The following BRIX1 variants were observed in gnomAD, a reference collection of about 807,000 sequenced individuals.
BRIX1 encodes biogenesis of ribosomes BRX1, also known as ribosome biogenesis protein BRX1 homolog.
In BRIX1, 15 loss-of-function variants were observed where a neutral mutation model predicts 44.0. The ratio of observed to expected loss-of-function variants is 0.34; its 90% CI spans 0.23 to 0.53. The LOEUF is 0.53. Among genes scored for constraint, BRIX1 ranks in the 20% least tolerant of loss-of-function variants. The pLI is 0.95. For missense variants in BRIX1, 420 were observed against 432.8 expected (o/e 0.97, Z 0.26); for synonymous variants, 149 against 135.4 (o/e 1.10, Z -0.70).
Position 34,925,565 on chromosome 5 carries a change from A to T in BRIX1, c.*70A>T. On this transcript the variant is annotated 3_prime_UTR_variant, in exon 10 of 10. Coordinates refer to ENST00000336767, the MANE Select transcript of BRIX1 (RefSeq NM_018321.4). ...TTGTATTCAATGTGTAAATACTTTT[A>T]TTATCTAATACTATCTTACGTCTAA... 7.5e-7 allele frequency: 1 copy of T among 1,328,016 alleles called. No individual in the cohort carries two copies. The highest frequency in any genetic ancestry group is 1.0e-6 in the Non-Finnish European group (1 of 971,146). The allele number at this position is 1,328,016 out of a possible 1,614,324, so 82.3% of individuals were successfully genotyped here.
intron 1 of BRIX1, 48 bp downstream of exon 1, chr5:34,915,945 G>T (rs1167305493): frequency 2.0e-6 from 3 of 1,489,252 alleles, no homozygotes; most frequent in East Asian, 2.5e-5. Context: ...GGCTCTGTGC[G>T]CCTTTTCTTG....
Position 34,925,367 on chromosome 5 carries a change from G to A in BRIX1, c.934G>A (p.Glu312Lys). 2 of 1,614,016 alleles carry A rather than the reference G, an allele frequency of 1.2e-6. No homozygotes were observed. The highest frequency in any genetic ancestry group is 1.7e-6 in the Non-Finnish European group (2 of 1,180,010). The change falls in exon 10 of 10, where the codon GAG becomes AAG. Residue 312 changes from glutamate to lysine, a missense_variant. Glu to Lys is a moderately conservative substitution (Grantham distance 56, BLOSUM62 1). Coordinates refer to ENST00000336767, the MANE Select transcript of BRIX1 (RefSeq NM_018321.4). The stretch of plus-strand genomic sequence containing the variant: ...TGCAGATGTTTTTGTAACACCAGCT[G>A]AGGAGAAACCAATAGAAATACAGTG... Reference protein sequence around the residue: ...PTADVFVTPAEEKPIEIQWVK... With the variant: ...PTADVFVTPAKEKPIEIQWVK...
intron 2 of BRIX1, 187 bp downstream of exon 2, chr5:34,918,662 G>T: frequency 2.1e-6 from 1 of 479,654 alleles, no homozygotes; most frequent in South Asian, 3.9e-5. Context: ...ATTTCATTAG[G>T]TAGATTCTTT....
intron 9 of BRIX1, 112 bp downstream of exon 9, chr5:34,925,087 T>G: frequency 6.8e-7 from 1 of 1,469,758 alleles, no homozygotes. Flanking sequence ...TGGTTTTTGC[T>G]GCATAGAAAC....
At chr5:34,916,038 C>A in intron 1 of BRIX1, 141 bp downstream of exon 1, 1 of 962,732 alleles carries the variant, frequency 1.0e-6, no homozygotes, top group Non-Finnish European at 1.5e-6. Flanking sequence ...ATTCTCCCGG[C>A]CAGACTGGGC....
chr5:34,922,674 T>A, intron 5 of BRIX1, 21 bp from the exon 6 acceptor site: 1 of 1,609,550 alleles, frequency 6.2e-7, no homozygotes, highest in Non-Finnish European at 8.5e-7. Flanking sequence ...ACTATTTTTG[T>A]TTTTGTTGTA....
At chr5:34,925,063 T>G in intron 9 of BRIX1, 88 bp downstream of exon 9, 1 of 1,506,618 alleles carries the variant, frequency 6.6e-7, no homozygotes, top group Non-Finnish European at 8.9e-7. Context: ...TTTTATTACC[T>G]GTGAAACTGA....
At chr5:34,918,232 T>G (rs2111972616) in intron 1 of BRIX1, 132 bp from the exon 2 acceptor site, 2 of 521,520 alleles carry the variant, frequency 3.8e-6, no homozygotes, top group East Asian at 6.5e-5. Context: ...GATCACTTAC[T>G]TGAGCCCAGG....
intron 3 of BRIX1, chr5:34,920,604 A>G (rs1764217752): frequency 6.6e-6 from 1 of 152,218 alleles, no homozygotes; most frequent in African/African-American, 2.4e-5. Flanking sequence ...TATAATTTCA[A>G]GTAAAGACAG....
chr5:34,924,982 G>A lies in BRIX1; in HGVS notation c.792+7G>A, dbSNP rs776690119. On this transcript the variant is annotated splice_region_variant and intron_variant, in intron 9 of 9. Transcript: ENST00000336767. Reference sequence around the variant, plus strand: ...CTACCAGTCACCAAACATGGTAAGCGGTTGTGTCATTCAGTAGTCTTCAAT... The same window carrying A: ...CTACCAGTCACCAAACATGGTAAGCAGTTGTGTCATTCAGTAGTCTTCAAT... The A allele has an allele frequency of 8.7e-6, 14 of 1,611,832 alleles. No homozygotes were observed. Among genetic ancestry groups the A allele is most frequent in the Middle Eastern group, 1.6e-4 (1 of 6,074 alleles).
rs1401653740 is a variant in BRIX1, at chr5:34,925,848, G to C, written c.*353G>C. The C allele has an allele frequency of 2.3e-5, 4 of 173,162 alleles. No homozygotes were observed. The highest frequency in any genetic ancestry group is 4.9e-5 in the Non-Finnish European group (4 of 81,966). 10.7% of individuals were successfully genotyped at this position (173,162 alleles called of 1,614,324 possible). On this transcript the variant is annotated 3_prime_UTR_variant, in exon 10 of 10. Transcript: ENST00000336767. ...CACTTCAAGAGCATCGGTTGTGGAT[G>C]GTAAAGTAGGAGTAGACTGGTAGAA...
intron 1 of BRIX1, among the ~76,000 whole-genome samples, chr5:34,917,442 G>A (rs1393569831): frequency 2.0e-5 from 3 of 151,636 alleles, no homozygotes; most frequent in Non-Finnish European, 2.9e-5. Context: ...GACCAGCCTG[G>A]CCAAGATGGT....
At chr5:34,922,850 TTTA>T in intron 6 of BRIX1, 82 bp downstream of exon 6, 2 of 1,385,310 alleles carry the variant, frequency 1.4e-6, no homozygotes, top group South Asian at 2.4e-5. Flanking sequence ...TGTTATTCAA[TTTA>T]GTTTCACCCC....
chr5:34,918,464 A>C lies in BRIX1; in HGVS notation c.260A>C (p.His87Pro). Residue 87 changes from histidine to proline, a missense_variant, in exon 2 of 10, where the codon CAT (histidine) becomes CCT (proline). By Grantham distance (77) the His-to-Pro change is moderately conservative. Coordinates refer to ENST00000336767, the MANE Select transcript of BRIX1 (RefSeq NM_018321.4). ...LMQDLRMLMP[H>P]SKADTKMDRK... is the part of the protein sequence containing the mutation. ...CAGGACTTGAGAATGTTGATGCCTC[A>C]TTCTAAAGCAGGTGCCTTTATATCA... is the stretch of plus-strand genomic sequence containing the variant. 1 of 1,593,864 alleles carries C rather than the reference A, an allele frequency of 6.3e-7. No individual in the cohort carries two copies. The highest frequency in any genetic ancestry group is 2.2e-5 in the East Asian group (1 of 44,450).
intron 4 of BRIX1, 59 bp downstream of exon 4, chr5:34,922,346 C>T: frequency 8.7e-7 from 1 of 1,143,518 alleles, no homozygotes; most frequent in East Asian, 2.4e-5. Context: ...TTCTTTGTAC[C>T]TTTTATGTTA....
chr5:34,922,346 CT>C, intron 4 of BRIX1, 59 bp downstream of exon 4: 1 of 1,143,508 alleles, frequency 8.7e-7, no homozygotes, highest in Non-Finnish European at 1.3e-6. Context: ...TTCTTTGTAC[CT>C]TTTATGTTAT....
In BRIX1 at chr5:34,923,156, T is replaced by C; in HGVS notation, c.585T>C (p.His195=). The change falls in exon 8 of 10, where the codon CAT becomes CAC. Residue 195 remains histidine (H), a synonymous_variant. Transcript: ENST00000336767. ...AGATCTTTAGTACACCACGGTATCA[T>C]CCCAAAAGCCAACCATTTGTGGACC... The part of the protein sequence containing the change: ...LIQIFSTPRY[H]PKSQPFVDHV... 1 of 1,614,004 alleles carries C rather than the reference T, an allele frequency of 6.2e-7. No homozygotes were observed. The highest frequency in any genetic ancestry group is 8.5e-7 in the Non-Finnish European group (1 of 1,179,868).
At chr5:34,916,606 A>G (rs41270673) in intron 1 of BRIX1, 179 of 152,386 alleles carry the variant, frequency 1.2e-3, no homozygotes, top group African/African-American at 4.2e-3. Flanking sequence ...ACAAGTTGTT[A>G]GAATTAGCTT....
At chr5:34,920,482 A>T (rs2111978290) in intron 3 of BRIX1, 1 of 152,318 alleles carries the variant, frequency 6.6e-6, no homozygotes, top group South Asian at 2.1e-4. Context: ...AAATTTTTGA[A>T]CCTCTGCTGT....
Sources: allele counts gnomAD v4.1 joint callset (sites outside exome capture counted in the v4.1 genomes callset), GRCh38; gene constraint gnomAD v4.1.1; transcripts MANE v1.5; gene names NCBI Gene and HGNC (gene_info 2026-07-23, HGNC 2026-07-21).